The following FOXP1 variants were observed in gnomAD, a reference collection of about 807,000 sequenced individuals.
The protein encoded by FOXP1 is forkhead box P1, also known as forkhead box protein P1.
Under a neutral mutation model 98.2 loss-of-function variants are expected in FOXP1, and 15 were observed. That is an observed-to-expected ratio of 0.15 (90% CI 0.10 to 0.24). The LOEUF (loss-of-function observed/expected upper bound fraction) is 0.24, where lower values mean the gene tolerates loss of function less well. FOXP1 is among the 10% of genes least tolerant of loss of function. The pLI, the probability that FOXP1 is intolerant of heterozygous loss-of-function variation, is 1.00. For missense variants in FOXP1, 633 were observed against 848.5 expected (o/e 0.75, Z 3.15); for synonymous variants, 371 against 314.5 (o/e 1.18, Z -1.90).
chr3:71,036,064 T>C (rs1304937431), intron 11 of FOXP1, among the ~76,000 whole-genome samples: 1 of 152,174 alleles, frequency 6.6e-6, no homozygotes, highest in African/African-American at 2.4e-5. Flanking sequence ...TAAACACAAA[T>C]GTTATTGTTA....
At chr3:71,178,869 G>T (rs2062108270) in intron 6 of FOXP1, among the ~76,000 whole-genome samples, 1 of 151,108 alleles carries the variant, frequency 6.6e-6, no homozygotes, top group African/African-American at 2.4e-5. Context: ...GGGCGACAGA[G>T]CGAGACTCCA....
chr3:71,251,862 T>C (rs544474992), intron 5 of FOXP1, among the ~76,000 whole-genome samples: 28 of 152,318 alleles, frequency 1.8e-4, no homozygotes, highest in Non-Finnish European at 3.5e-4. Flanking sequence ...TGGTCAAGTA[T>C]GAAGTGTTAT....
At position 71,344,146 on chromosome 3, in the gene FOXP1, T is replaced by C. The variant is rs540093570; in HGVS notation, c.-73+15004A>G. 1.1e-3 allele frequency among the ~76,000 whole-genome samples: 170 copies of C among 152,296 alleles called. 1 individual carries two copies. The highest frequency in any genetic ancestry group is 3.9e-3 in the African/African-American group (163 of 41,548). ...CTGGTTGTGGCATTGCATACGCATA[T>C]CAGTACTAAGAATGTTCCAGGACCT... On this transcript the variant is annotated intron_variant, in intron 4 of 20. Transcript: ENST00000649528.
intron 3 of FOXP1, among the ~76,000 whole-genome samples, chr3:71,386,648 C>T (rs1052464543): frequency 7.0e-6 from 1 of 142,260 alleles, no homozygotes; most frequent in African/African-American, 2.6e-5. Context: ...GAGGCTGAGG[C>T]AAGAGAATCA....
At chr3:70,996,528 T>C (rs548182279) in intron 13 of FOXP1, among the ~76,000 whole-genome samples, 2 of 152,254 alleles carry the variant, frequency 1.3e-5, no homozygotes, top group African/African-American at 2.4e-5. Flanking sequence ...TTTGGAAAAA[T>C]TGCATCTTTT....
rs989652156 is a variant in FOXP1, at chr3:71,118,816, A to G, written c.181-6179T>C. Among the ~76,000 whole-genome samples the G allele has an allele frequency of 5.9e-5, 9 of 152,240 alleles. No individual in the cohort carries two copies. In the East Asian group the frequency reaches 1.3e-3, roughly 23 times the overall value. On this transcript the variant is annotated intron_variant, in intron 6 of 20. Transcript: ENST00000649528. Reference sequence around the variant, plus strand: ...GGTATTCAAATTTTGGTATTTACCAATAAAATTTTATTTGAATACAGTTAA... The same window carrying G: ...GGTATTCAAATTTTGGTATTTACCAGTAAAATTTTATTTGAATACAGTTAA...
chr3:71,447,635 A>C (rs984488949), intron 3 of FOXP1, among the ~76,000 whole-genome samples: 1 of 152,232 alleles, frequency 6.6e-6, no homozygotes, highest in African/African-American at 2.4e-5. Flanking sequence ...CGCTAGCAGC[A>C]TGGTTCTTTA....
At chr3:71,053,483 A>G (rs2050186789) in intron 8 of FOXP1, among the ~76,000 whole-genome samples, 153 bp downstream of exon 8, 1 of 152,098 alleles carries the variant, frequency 6.6e-6, no homozygotes, top group Non-Finnish European at 1.5e-5. Flanking sequence ...CACATCGATT[A>G]TTCAGGGAGT....
At chr3:71,182,421 AT>A (rs1410288850) in intron 6 of FOXP1, among the ~76,000 whole-genome samples, 1 of 152,174 alleles carries the variant, frequency 6.6e-6, no homozygotes, top group East Asian at 1.9e-4. Flanking sequence ...TAAATTAAAA[AT>A]AACTGTTCAT....
chr3:71,238,987 T>C (rs1339322787), intron 5 of FOXP1, among the ~76,000 whole-genome samples: 4 of 152,238 alleles, frequency 2.6e-5, no homozygotes, highest in Non-Finnish European at 5.9e-5. Context: ...TCAGGAAATA[T>C]TTCTTCAATA....
rs555307293 is a variant in FOXP1, at chr3:70,955,243, T to C, written c.*4004A>G. 1 of 232,880 alleles carries C rather than the reference T, an allele frequency of 4.3e-6. No homozygotes were observed. Among genetic ancestry groups the C allele is most frequent in the African/African-American group, 2.2e-5 (1 of 45,432 alleles). 14.4% of individuals were successfully genotyped at this position (232,880 alleles called of 1,614,324 possible). On this transcript the variant is annotated 3_prime_UTR_variant, in exon 21 of 21. Transcript: ENST00000649528. ...TTTTTTTTCATGAGGAAAAAAAAGC[T>C]AGTGATTTACAGCCTATCTTGGGTT...
intron 5 of FOXP1, among the ~76,000 whole-genome samples, chr3:71,240,549 T>A (rs1320700867): frequency 1.7e-5 from 1 of 59,966 alleles, no homozygotes; most frequent in East Asian, 4.9e-4. Context: ...TGTGTTTTTT[T>A]ATTTTTTTTT....
rs375803016 is a variant in FOXP1, at chr3:71,361,785, A to G, written c.-167-2541T>C. ...GACAGCGACATTAATGAGAGCCCTCATGTTTATTTTCAACAGACTAACCAG... is the reference window on the plus strand; with the variant it reads ...GACAGCGACATTAATGAGAGCCCTCGTGTTTATTTTCAACAGACTAACCAG... On this transcript the variant is annotated intron_variant, in intron 3 of 20. Coordinates refer to ENST00000649528, the MANE Select transcript of FOXP1 (RefSeq NM_001349338.3). Among the ~76,000 whole-genome samples the G allele has an allele frequency of 1.4e-3, 212 of 152,312 alleles. 1 individual carries two copies. Among genetic ancestry groups the G allele is most frequent in the Non-Finnish European group, 2.5e-3 (171 of 68,032 alleles).
intron 5 of FOXP1, among the ~76,000 whole-genome samples, chr3:71,281,059 AAAG>A (rs1553816204): frequency 4.0e-5 from 6 of 148,336 alleles, no homozygotes; most frequent in Non-Finnish European, 7.4e-5. Flanking sequence ...AAAAAAAAAA[AAAG>A]AAGAAGAAGA....
chr3:71,537,409 T>C (rs1452997371), intron 2 of FOXP1, among the ~76,000 whole-genome samples: 2 of 152,112 alleles, frequency 1.3e-5, no homozygotes, highest in East Asian at 3.9e-4. Flanking sequence ...AAAAGTGTAC[T>C]AGAAGGGAGT....
chr3:71,462,889 T>C (rs746420655), intron 3 of FOXP1, among the ~76,000 whole-genome samples: 19 of 152,180 alleles, frequency 1.2e-4, no homozygotes, highest in Non-Finnish European at 1.5e-4. Context: ...CCCCAGGTCT[T>C]CTCTCGAAAA....
intron 5 of FOXP1, among the ~76,000 whole-genome samples, chr3:71,212,488 T>C (rs1048059778): frequency 4.6e-5 from 7 of 152,284 alleles, no homozygotes; most frequent in African/African-American, 1.7e-4. Context: ...TCCTAGTTCA[T>C]GGGTATTACG....
intron 2 of FOXP1, among the ~76,000 whole-genome samples, chr3:71,566,977 C>A (rs2046962343): frequency 6.6e-6 from 1 of 152,132 alleles, no homozygotes; most frequent in Non-Finnish European, 1.5e-5. Context: ...CACTCCCTCC[C>A]AACATTCACA....
At chr3:71,580,613 T>G (rs1280995846) in intron 2 of FOXP1, among the ~76,000 whole-genome samples, 1 of 152,084 alleles carries the variant, frequency 6.6e-6, no homozygotes, top group African/African-American at 2.4e-5. Context: ...AGTCTTACTA[T>G]TTCTTTAAAA....
Sources: gnomAD v4.1 joint callset for allele counts (sites outside exome capture counted in the v4.1 genomes callset) on GRCh38, gnomAD v4.1.1 for gene constraint, MANE v1.5 for transcripts, NCBI Gene and HGNC (gene_info 2026-07-23, HGNC 2026-07-21) for gene names.